The following PNPLA8 variants were observed in gnomAD, a reference collection of about 807,000 sequenced individuals.
PNPLA8 encodes calcium-independent phospholipase A2-gamma.
In PNPLA8, 39 loss-of-function variants were observed where a neutral mutation model predicts 76.9. The ratio of observed to expected loss-of-function variants is 0.51; its 90% CI spans 0.39 to 0.66. The LOEUF is 0.66. PNPLA8 is among the 30% of genes least tolerant of loss of function. The pLI, the probability that PNPLA8 is intolerant of heterozygous loss-of-function variation, is 0.00. For missense variants in PNPLA8, 887 were observed against 918.0 expected, an observed-to-expected ratio of 0.97 and a Z score of 0.44; for synonymous variants, 301 against 307.9, an observed-to-expected ratio of 0.98 and a Z score of 0.24.
At chr7:108,477,620 G>A (rs367624464) in intron 10 of PNPLA8, among the ~76,000 whole-genome samples, 4 of 152,098 alleles carry the variant, frequency 2.6e-5, no homozygotes, top group African/African-American at 9.7e-5. Flanking sequence ...AGCACTTCAG[G>A]AGGCCAAGGC....
chr7:108,478,238 T>A (rs935939418), intron 10 of PNPLA8, among the ~76,000 whole-genome samples: 22 of 151,946 alleles, frequency 1.4e-4, no homozygotes, highest in Admixed American at 1.4e-3. Flanking sequence ...AATAGCCTTA[T>A]AGAGAGAGAG....
chr7:108,504,466 G>A (rs138663794), intron 4 of PNPLA8, among the ~76,000 whole-genome samples: 292 of 152,154 alleles, frequency 1.9e-3, no homozygotes, highest in Admixed American at 5.0e-3. Context: ...TAAAACACAG[G>A]AGGAAAATAA....
chr7:108,512,565 C>T (rs1015610418), intron 4 of PNPLA8, among the ~76,000 whole-genome samples: 2 of 151,890 alleles, frequency 1.3e-5, no homozygotes, highest in African/African-American at 2.4e-5. Flanking sequence ...ATATGGTAGA[C>T]ACATAAAAAA....
intron 4 of PNPLA8, among the ~76,000 whole-genome samples, chr7:108,503,893 A>G (rs1449021476): frequency 1.3e-5 from 2 of 152,244 alleles, no homozygotes; most frequent in Non-Finnish European, 2.9e-5. Context: ...AGGGCTTCAA[A>G]CACATGGTTG....
intron 4 of PNPLA8, 25 bp from the exon 5 acceptor site, chr7:108,502,667 G>C (rs771619306): frequency 6.4e-7 from 1 of 1,572,844 alleles, no homozygotes. Context: ...AAGATACTTT[G>C]TTGCTTTTGT....
chr7:108,508,868 G>A (rs1455758271), intron 4 of PNPLA8, among the ~76,000 whole-genome samples: 17 of 137,386 alleles, frequency 1.2e-4, no homozygotes, highest in East Asian at 4.3e-4. Context: ...CAGAAATAAC[G>A]CCGCATACCT....
Position 108,506,249 on chromosome 7 carries a change from G to A in PNPLA8, c.1207-3607C>T, listed in dbSNP as rs188773046. Among the ~76,000 whole-genome samples, 98 of 152,076 alleles carry A rather than the reference G, an allele frequency of 6.4e-4. 1 individual carries two copies. The East Asian group carries it at 9.3e-3, about 14-fold the overall frequency. ...AAAAATTAGCAGGGTGTGGTGGTGC[G>A]CACCTGTAATCCCAGCTACTCGGGA... On this transcript the variant is annotated intron_variant, in intron 4 of 10. Transcript: ENST00000257694.
chr7:108,482,375 G>A (rs892110834), intron 9 of PNPLA8, among the ~76,000 whole-genome samples: 7 of 152,310 alleles, frequency 4.6e-5, no homozygotes, highest in Admixed American at 1.3e-4. Flanking sequence ...AGGAGGCTGA[G>A]GCAAGAGAAT....
intron 10 of PNPLA8, among the ~76,000 whole-genome samples, chr7:108,476,327 A>G (rs918546201): frequency 3.3e-5 from 5 of 152,202 alleles, no homozygotes; most frequent in African/African-American, 1.2e-4. Context: ...CAAAGTACAG[A>G]CTTAACTCTT....
chr7:108,503,204 A>G (rs1862091895), intron 4 of PNPLA8, among the ~76,000 whole-genome samples: 1 of 152,218 alleles, frequency 6.6e-6, no homozygotes, highest in Non-Finnish European at 1.5e-5. Context: ...CAAGATTCTA[A>G]GCACTCAACA....
At chr7:108,480,768 ACT>A (rs1491577867) in intron 9 of PNPLA8, 1 of 389,954 alleles carries the variant, frequency 2.6e-6, no homozygotes, top group East Asian at 7.6e-5. Flanking sequence ...AGTAAAATTA[ACT>A]TTTTTGGTAT....
intron 4 of PNPLA8, chr7:108,510,745 C>T (rs954889930): frequency 5.0e-5 from 80 of 1,601,230 alleles, no homozygotes; most frequent in African/African-American, 2.4e-4. Flanking sequence ...TGACAGATAA[C>T]GCTTTGATTG....
chr7:108,503,620 C>T (rs1433226628), intron 4 of PNPLA8, among the ~76,000 whole-genome samples: 4 of 152,106 alleles, frequency 2.6e-5, no homozygotes, highest in Non-Finnish European at 4.4e-5. Flanking sequence ...AAGAAAAGTA[C>T]CATCTGTTTA....
At chr7:108,475,124 G>A (rs1027786314) in intron 10 of PNPLA8, among the ~76,000 whole-genome samples, 2 of 152,070 alleles carry the variant, frequency 1.3e-5, no homozygotes, top group Non-Finnish European at 2.9e-5. Context: ...CTCCTTAGGT[G>A]AATCTAATGC....
chr7:108,496,900 G>C (rs1861588995), intron 6 of PNPLA8, 145 bp from the exon 7 acceptor site: 2 of 633,338 alleles, frequency 3.2e-6, no homozygotes, highest in South Asian at 4.1e-5. Context: ...CCTTCTCAGA[G>C]CCCCATTTGT....
intron 4 of PNPLA8, among the ~76,000 whole-genome samples, chr7:108,505,329 TATATATATATATATA>T (rs1862297718): frequency 1.0e-4 from 1 of 9,566 alleles, no homozygotes; most frequent in African/African-American, 5.3e-4. Flanking sequence ...TATATATATA[TATATATATATATATA>T]TATATATATT....
In PNPLA8 at chr7:108,479,347, T is replaced by C; in HGVS notation, c.1911A>G (p.Ala637=). ...GACATTTACACTCATGCATAGCTAA[T>C]GCCGAAGGGTTATTCAGAAGCAAAC... ...DGGLLLNNPS[A]LAMHECKCLW... is the part of the protein sequence containing the mutation. The change falls in exon 10 of 11, where the codon GCA becomes GCG. Residue 637 remains alanine, a synonymous_variant. Transcript: ENST00000257694. The C allele has an allele frequency of 6.2e-7, 1 of 1,613,300 alleles. No homozygotes were observed. The highest frequency in any genetic ancestry group is 8.5e-7 in the Non-Finnish European group (1 of 1,179,614).
At chr7:108,505,605 C>G (rs892631395) in intron 4 of PNPLA8, among the ~76,000 whole-genome samples, 1 of 151,486 alleles carries the variant, frequency 6.6e-6, no homozygotes, top group Non-Finnish European at 1.5e-5. Flanking sequence ...TCGTGATCTG[C>G]CCACCTCAGC....
chr7:108,515,314 T>A lies in PNPLA8; in HGVS notation c.178A>T (p.Thr60Ser). ...FHTNIIRCKW[T>S]KSEAHSCSKH... ...CTGCAAGAATGTGCTTCACTTTTGG[T>A]CCATTTACATCTTATTATGTTTGTA... Residue 60 changes from threonine to serine, a missense_variant, in exon 3 of 11, where the codon ACC becomes TCC. By Grantham distance (58) the Thr-to-Ser change is moderately conservative. Transcript: ENST00000257694. 1 of 1,612,438 alleles carries A rather than the reference T, an allele frequency of 6.2e-7. No homozygotes were observed. Among genetic ancestry groups the A allele is most frequent in the Non-Finnish European group, 8.5e-7 (1 of 1,179,444 alleles).
Sources: gnomAD v4.1 joint callset for allele counts (sites outside exome capture counted in the v4.1 genomes callset) on GRCh38, gnomAD v4.1.1 for gene constraint, MANE v1.5 for transcripts, NCBI Gene and HGNC (gene_info 2026-07-23, HGNC 2026-07-21) for gene names.